WASL: variants seen among roughly 807,000 people sequenced by gnomAD.
The protein encoded by WASL is actin nucleation-promoting factor WASL.
A neutral mutation model predicts 55.5 loss-of-function variants in WASL; 20 were observed. The ratio of observed to expected loss-of-function variants is 0.36; its 90% CI spans 0.25 to 0.52. The LOEUF is 0.52. WASL is among the 20% of genes least tolerant of loss of function. The pLI is 0.92. For missense variants in WASL, 504 were observed against 622.5 expected (o/e 0.81, Z 2.03); for synonymous variants, 249 against 217.6 (o/e 1.14, Z -1.27).
intron 5 of WASL, among the ~76,000 whole-genome samples, chr7:123,700,098 C>T (rs910661180): frequency 1.5e-5 from 2 of 133,010 alleles, no homozygotes; most frequent in Non-Finnish European, 3.1e-5. Flanking sequence ...ATGGCGTGAA[C>T]CCGGGAGGAG....
chr7:123,700,952 G>A (rs916245441), intron 5 of WASL, among the ~76,000 whole-genome samples: 4 of 152,112 alleles, frequency 2.6e-5, no homozygotes, highest in Admixed American at 6.5e-5. Flanking sequence ...TTAGGTACTC[G>A]GTTATTTCTG....
rs1019533887 is a variant in WASL at position 123,735,455 on chromosome 7, C to A, written c.117+13163G>T. Among the ~76,000 whole-genome samples, 46 of 150,756 alleles carry A rather than the reference C, an allele frequency of 3.1e-4. 1 individual carries two copies. Among genetic ancestry groups the A allele is most frequent in the Non-Finnish European group, 5.9e-4 (40 of 67,854 alleles). On this transcript the variant is annotated intron_variant, in intron 1 of 10. Transcript: ENST00000223023. ...AGAAACTGACTCAGATGATAGGAGACAGGACATTAGAACAGTTGTTATATC... is the reference window on the plus strand; with the variant it reads ...AGAAACTGACTCAGATGATAGGAGAAAGGACATTAGAACAGTTGTTATATC...
At chr7:123,741,663 A>C (rs182215187) in intron 1 of WASL, among the ~76,000 whole-genome samples, 1 of 152,188 alleles carries the variant, frequency 6.6e-6, no homozygotes, top group African/African-American at 2.4e-5. Context: ...TTATTTATTT[A>C]AAAAATCTAT....
At chr7:123,741,533 T>C (rs1246983826) in intron 1 of WASL, among the ~76,000 whole-genome samples, 1 of 152,188 alleles carries the variant, frequency 6.6e-6, no homozygotes, top group Non-Finnish European at 1.5e-5. Context: ...TGAACTCTAT[T>C]AGGAAAGCTA....
chr7:123,739,912 GTGTATATATA>G (rs1804306667), intron 1 of WASL, among the ~76,000 whole-genome samples: 5 of 34,874 alleles, frequency 1.4e-4, no homozygotes, highest in African/African-American at 4.7e-4. Context: ...GTGTGTGTGT[GTGTATATATA>G]TATATATATG....
chr7:123,687,822 G>A (rs2099468329), intron 10 of WASL, among the ~76,000 whole-genome samples: 1 of 151,836 alleles, frequency 6.6e-6, no homozygotes, highest in African/African-American at 2.4e-5. Context: ...TGTAATGGAG[G>A]GTAGGTACAA....
chr7:123,706,677 T>C, intron 3 of WASL, 63 bp downstream of exon 3: 1 of 1,180,256 alleles, frequency 8.5e-7, no homozygotes, highest in South Asian at 1.4e-5. Flanking sequence ...TATAAATAAT[T>C]TGGATTAGAA....
intron 9 of WASL, among the ~76,000 whole-genome samples, chr7:123,690,002 G>GTTCCCCCTAAGATATAGA (rs1562956859): frequency 6.6e-6 from 1 of 151,928 alleles, no homozygotes; most frequent in Non-Finnish European, 1.5e-5. Context: ...ATTCAAAGTG[G>GTTCCCCCTAAGATATAGA]TTCCCCCTAA....
At chr7:123,700,909 T>C (rs1235103496) in intron 5 of WASL, among the ~76,000 whole-genome samples, 1 of 152,154 alleles carries the variant, frequency 6.6e-6, no homozygotes, top group Admixed American at 6.5e-5. Context: ...TTACAGAATT[T>C]AGAAAAAAAT....
chr7:123,702,946 C>T (rs1177587214), intron 5 of WASL, among the ~76,000 whole-genome samples: 5 of 152,288 alleles, frequency 3.3e-5, no homozygotes, highest in East Asian at 3.9e-4. Context: ...CAAAGTGTTT[C>T]GATGGCACCA....
chr7:123,695,186 C>CA (rs907220728), intron 7 of WASL, among the ~76,000 whole-genome samples: 23 of 151,950 alleles, frequency 1.5e-4, no homozygotes, highest in Non-Finnish European at 3.1e-4. Flanking sequence ...GGAATAAACA[C>CA]AAAAAAAGTA....
At chr7:123,702,491 T>C (rs1301916504) in intron 5 of WASL, among the ~76,000 whole-genome samples, 2 of 152,226 alleles carry the variant, frequency 1.3e-5, no homozygotes, top group African/African-American at 2.4e-5. Context: ...ATTTTATAAA[T>C]GTTCAGCCCT....
intron 1 of WASL, among the ~76,000 whole-genome samples, chr7:123,743,085 C>A (rs1459701317): frequency 6.6e-6 from 1 of 152,070 alleles, no homozygotes; most frequent in East Asian, 1.9e-4. Context: ...ACCTGTAATC[C>A]CAGCACTTTG....
chr7:123,724,305 C>T (rs1027183558), intron 1 of WASL, among the ~76,000 whole-genome samples: 1 of 152,182 alleles, frequency 6.6e-6, no homozygotes, highest in East Asian at 1.9e-4. Flanking sequence ...AATCTGCAGA[C>T]CCCCAAACAT....
At chr7:123,692,955 A>C in intron 8 of WASL, 88 bp from the exon 9 acceptor site, 1 of 1,303,714 alleles carries the variant, frequency 7.7e-7, no homozygotes, top group Non-Finnish European at 9.8e-7. Context: ...CATGTATAAA[A>C]ATTGAATAAT....
intron 1 of WASL, among the ~76,000 whole-genome samples, chr7:123,739,876 A>G (rs868199653): frequency 2.2e-4 from 25 of 115,632 alleles, no homozygotes; most frequent in Admixed American, 1.6e-3. Flanking sequence ...ACATTTATAT[A>G]TGTGTGTGTG....
intron 1 of WASL, among the ~76,000 whole-genome samples, chr7:123,747,830 G>C (rs1176535618): frequency 2.0e-5 from 3 of 152,068 alleles, no homozygotes; most frequent in Non-Finnish European, 2.9e-5. Flanking sequence ...CAGCAGAACT[G>C]CTCGCTCCCA....
chr7:123,709,007 G>A, intron 2 of WASL, 82 bp downstream of exon 2: 1 of 1,320,628 alleles, frequency 7.6e-7, no homozygotes, highest in Non-Finnish European at 1.0e-6. Flanking sequence ...ATCACATATA[G>A]GATAAACAAA....
chr7:123,683,842 G>A lies in WASL; in HGVS notation c.*677C>T, dbSNP rs1010987463. ...TAAAAATAACCCCAGTCAATAACAA[G>A]TATTTAAGGGCTCCTTATGATCCCA... On this transcript the variant is annotated 3_prime_UTR_variant, in exon 11 of 11. Transcript: ENST00000223023. The A allele has an allele frequency of 6.6e-6, 1 of 151,936 alleles. No homozygotes were observed. The highest frequency in any genetic ancestry group is 2.1e-4 in the South Asian group (1 of 4,826). The allele number at this position is 151,936 out of a possible 1,614,324, so 9.4% of individuals were successfully genotyped here. A position where few individuals can be genotyped will look rare whatever the true frequency, so the allele number is the denominator to read the frequency against.
Sources: allele counts gnomAD v4.1 joint callset (sites outside exome capture counted in the v4.1 genomes callset), GRCh38; gene constraint gnomAD v4.1.1; transcripts MANE v1.5; gene names NCBI Gene and HGNC (gene_info 2026-07-23, HGNC 2026-07-21).